RDX: variants seen among roughly 807,000 people sequenced by gnomAD.
RDX encodes the protein radixin.
In RDX, 32 loss-of-function variants were observed where a neutral mutation model predicts 83.7. The ratio of observed to expected loss-of-function variants is 0.38; its 90% confidence interval spans 0.29 to 0.51. The LOEUF (loss-of-function observed/expected upper bound fraction) is 0.51. Ranked by LOEUF, RDX falls within the 20% of genes least tolerant of loss-of-function variation. RDX has a pLI of 0.87. For missense variants in RDX, 600 were observed against 689.9 expected (o/e 0.87, Z 1.46); for synonymous variants, 229 against 222.7 (o/e 1.03, Z -0.25).
intron 3 of RDX, among the ~76,000 whole-genome samples, chr11:110,268,632 G>C (rs999856947): frequency 7.9e-5 from 12 of 152,168 alleles, no homozygotes; most frequent in African/African-American, 2.7e-4. Flanking sequence ...ATGCCCCACA[G>C]TGGGCACAGG....
chr11:110,259,509 A>G (rs886564383), intron 5 of RDX, among the ~76,000 whole-genome samples: 9 of 152,230 alleles, frequency 5.9e-5, no homozygotes, highest in African/African-American at 1.9e-4. Context: ...CCCCCTGGAT[A>G]AGTTACCTAC....
chr11:110,289,522 G>C (rs1861127917), intron 1 of RDX, among the ~76,000 whole-genome samples: 1 of 152,118 alleles, frequency 6.6e-6, no homozygotes, highest in Non-Finnish European at 1.5e-5. Flanking sequence ...AGTATCAGGA[G>C]TCCTCACAAT....
intron 15 of RDX, among the ~76,000 whole-genome samples, chr11:110,187,773 G>A (rs998398587): frequency 3.9e-5 from 6 of 152,200 alleles, no homozygotes; most frequent in African/African-American, 1.2e-4. Flanking sequence ...CTCCCCTTCC[G>A]GGGGTTGAGC....
chr11:110,218,728 C>A (rs939529897), intron 14 of RDX, among the ~76,000 whole-genome samples: 3 of 152,220 alleles, frequency 2.0e-5, no homozygotes, highest in Non-Finnish European at 4.4e-5. Flanking sequence ...TATGCAGTTA[C>A]TTCTTTCCAG....
intron 1 of RDX, among the ~76,000 whole-genome samples, chr11:110,286,037 C>T (rs1431963718): frequency 1.4e-5 from 2 of 143,066 alleles, no homozygotes; most frequent in East Asian, 4.0e-4. Context: ...AATATTTACT[C>T]CCTCCTCCCC....
intron 3 of RDX, among the ~76,000 whole-genome samples, chr11:110,267,895 A>G (rs556695002): frequency 6.6e-6 from 1 of 152,160 alleles, no homozygotes; most frequent in East Asian, 1.9e-4. Flanking sequence ...TCAAGGCTGC[A>G]GTGAGCTGTG....
At chr11:110,266,118 A>T (rs1860032826) in intron 3 of RDX, among the ~76,000 whole-genome samples, 1 of 151,802 alleles carries the variant, frequency 6.6e-6, no homozygotes, top group Non-Finnish European at 1.5e-5. Flanking sequence ...AAGTCAGGAG[A>T]TCAAGACCAT....
At chr11:110,266,402 C>A (rs1860052514) in intron 3 of RDX, among the ~76,000 whole-genome samples, 1 of 151,834 alleles carries the variant, frequency 6.6e-6, no homozygotes, top group Admixed American at 6.6e-5. Context: ...AGGACTTACC[C>A]ACACCTAACA....
intron 15 of RDX, among the ~76,000 whole-genome samples, chr11:110,184,138 G>A (rs1862940093): frequency 1.3e-5 from 2 of 152,210 alleles, no homozygotes; most frequent in South Asian, 2.1e-4. Context: ...GGGCAGAGGG[G>A]ATGATAGAAC....
intron 3 of RDX, among the ~76,000 whole-genome samples, chr11:110,268,063 A>C (rs1466699555): frequency 6.6e-6 from 1 of 152,156 alleles, no homozygotes; most frequent in African/African-American, 2.4e-5. Flanking sequence ...TAATCTCGGC[A>C]CTTTGGGAGG....
At chr11:110,205,487 T>C (rs1037928094) in intron 14 of RDX, among the ~76,000 whole-genome samples, 13 of 127,086 alleles carry the variant, frequency 1.0e-4, no homozygotes, top group Non-Finnish European at 2.0e-4. Flanking sequence ...AGGTAAGCCA[T>C]GGAAGGAAAT....
chr11:110,223,421 T>C (rs961252100), intron 14 of RDX, among the ~76,000 whole-genome samples: 3 of 151,796 alleles, frequency 2.0e-5, no homozygotes, highest in Admixed American at 2.0e-4. Context: ...CCCAGCTACT[T>C]GGGAAGCTAA....
intron 9 of RDX, 117 bp from the exon 10 acceptor site, chr11:110,247,950 GA>G (rs1481597192): frequency 6.6e-5 from 76 of 1,149,394 alleles, no homozygotes; most frequent in Non-Finnish European, 8.9e-5. Context: ...CAACTTGGAT[GA>G]AGCTGGAGGC....
At chr11:110,176,821 C>T (rs977417763) in intron 15 of RDX, among the ~76,000 whole-genome samples, 11 of 152,272 alleles carry the variant, frequency 7.2e-5, no homozygotes, top group South Asian at 4.1e-4. Context: ...GTGGTGGGTG[C>T]GTCCCCTAAC....
intron 14 of RDX, among the ~76,000 whole-genome samples, chr11:110,220,133 G>A (rs1864194476): frequency 6.6e-6 from 1 of 152,072 alleles, no homozygotes; most frequent in African/African-American, 2.4e-5. Flanking sequence ...ACAAACATGG[G>A]GAGTGATACC....
intron 9 of RDX, among the ~76,000 whole-genome samples, chr11:110,251,624 T>G (rs547192020): frequency 1.3e-5 from 2 of 152,180 alleles, no homozygotes; most frequent in African/African-American, 4.8e-5. Context: ...TAACCTACAA[T>G]TGGTACATAG....
chr11:110,277,855 A>G (rs1022005668), intron 2 of RDX, among the ~76,000 whole-genome samples: 1 of 152,202 alleles, frequency 6.6e-6, no homozygotes, highest in South Asian at 2.1e-4. Context: ...TGTGTATTAC[A>G]TAACAAATTT....
rs61030269 is a variant in RDX, at chr11:110,230,579, TACACACACACACACACAC to T, written c.*1272_*1289del. The T allele has an allele frequency of 6.8e-6, 1 of 147,068 alleles. No homozygotes were observed. Among genetic ancestry groups the T allele is most frequent in the African/African-American group, 2.5e-5 (1 of 39,768 alleles). 9.1% of individuals were successfully genotyped at this position (147,068 alleles called of 1,614,324 possible). On this transcript the variant is annotated 3_prime_UTR_variant, in exon 14 of 14. Transcript: ENST00000645495. ...TTCTCTCTCTCATACACACACAGAGTACACACACACACACACACACACACACACACAGTCTCTCTCTCA... is the reference window on the plus strand; with the variant it reads ...TTCTCTCTCTCATACACACACAGAGTACACACACACACAGTCTCTCTCTCA...
chr11:110,202,288 T>C (rs750061616), intron 14 of RDX, among the ~76,000 whole-genome samples: 3 of 151,866 alleles, frequency 2.0e-5, no homozygotes, highest in Non-Finnish European at 4.4e-5. Flanking sequence ...CCAGCTACTC[T>C]GGAGGCTGAG....
Sources: allele counts gnomAD v4.1 joint callset (sites outside exome capture counted in the v4.1 genomes callset), GRCh38; gene constraint gnomAD v4.1.1; transcripts MANE v1.5; gene names NCBI Gene and HGNC (gene_info 2026-07-23, HGNC 2026-07-21).